SCN2A: variants seen among roughly 807,000 people sequenced by gnomAD.
SCN2A encodes sodium channel protein type 2 subunit alpha.
A neutral mutation model predicts 188.7 loss-of-function variants in SCN2A; 20 were observed. The observed-to-expected ratio is 0.11, with a 90% confidence interval of 0.07 to 0.15. The LOEUF is 0.15. SCN2A is among the 10% of genes least tolerant of loss of function. SCN2A has a pLI of 1.00. For synonymous variants in SCN2A, 804 were observed against 833.1 expected (o/e 0.97, Z 0.60); for missense variants, 1,278 against 2,445.0 (o/e 0.52, Z 10.07).
intron 10 of SCN2A, 111 bp from the exon 11 acceptor site, chr2:165,315,360 G>A (rs1559356946): frequency 4.6e-6 from 7 of 1,521,270 alleles, no homozygotes; most frequent in South Asian, 1.2e-5. Context: ...GAATAAAATG[G>A]AGAATTGTTT....
At chr2:165,312,917 A>T (rs990664329) in intron 8 of SCN2A, among the ~76,000 whole-genome samples, 1 of 152,144 alleles carries the variant, frequency 6.6e-6, no homozygotes, top group Non-Finnish European at 1.5e-5. Flanking sequence ...GATCAGTGCT[A>T]TGCTGCCTTT....
intron 3 of SCN2A, among the ~76,000 whole-genome samples, chr2:165,300,881 GA>G (rs1263313139): frequency 6.6e-6 from 1 of 152,186 alleles, no homozygotes; most frequent in African/African-American, 2.4e-5. Context: ...GCTTCATGGA[GA>G]ATAGACTGCA....
chr2:165,248,187 C>A (rs80017022), intron 1 of SCN2A, among the ~76,000 whole-genome samples: 2 of 152,104 alleles, frequency 1.3e-5, no homozygotes, highest in African/African-American at 4.8e-5. Context: ...ATTCTCAATA[C>A]GGCAAGACAG....
At chr2:165,373,817 G>A (rs1045534895) in intron 21 of SCN2A, among the ~76,000 whole-genome samples, 3 of 151,940 alleles carry the variant, frequency 2.0e-5, no homozygotes, top group African/African-American at 7.2e-5. Context: ...GAAATCTAAC[G>A]CTCATTTAGA....
intron 11 of SCN2A, among the ~76,000 whole-genome samples, chr2:165,318,223 C>A (rs192846954): frequency 5.3e-5 from 8 of 152,130 alleles, no homozygotes; most frequent in Admixed American, 3.9e-4. Context: ...ATTATAATTT[C>A]TTTAGTAGAG....
At chr2:165,259,101 A>G (rs183233969) in intron 1 of SCN2A, among the ~76,000 whole-genome samples, 1 of 152,362 alleles carries the variant, frequency 6.6e-6, no homozygotes, top group Non-Finnish European at 1.5e-5. Context: ...AAAAAGACCT[A>G]TGTTTACACT....
chr2:165,320,068 T>G (rs1697991162), intron 11 of SCN2A, among the ~76,000 whole-genome samples: 1 of 152,192 alleles, frequency 6.6e-6, no homozygotes, highest in Non-Finnish European at 1.5e-5. Context: ...GCAAGTTAGT[T>G]ACTTCCTAGA....
At chr2:165,272,705 T>A (rs1417946709) in intron 1 of SCN2A, 1 of 151,602 alleles carries the variant, frequency 6.6e-6, no homozygotes, top group African/African-American at 2.4e-5. Flanking sequence ...AAAAGGCCCC[T>A]TTTTACAAAA....
intron 17 of SCN2A, among the ~76,000 whole-genome samples, chr2:165,363,352 T>C (rs567038426): frequency 6.6e-6 from 1 of 152,282 alleles, no homozygotes; most frequent in African/African-American, 2.4e-5. Flanking sequence ...GTGTTTACAG[T>C]GTGAACCTTA....
intron 1 of SCN2A, among the ~76,000 whole-genome samples, chr2:165,291,035 CTTTTTTTTTTTTTT>C (rs55979694): frequency 1.3e-5 from 1 of 79,970 alleles, no homozygotes; most frequent in African/African-American, 4.5e-5. Flanking sequence ...TCTTTTCTTT[CTTTTTTTTTTTTTT>C]TTTTTTTTTT....
At chr2:165,307,398 A>T (rs1262435951) in intron 3 of SCN2A, among the ~76,000 whole-genome samples, 1 of 152,108 alleles carries the variant, frequency 6.6e-6, no homozygotes, top group Non-Finnish European at 1.5e-5. Flanking sequence ...CTCTGTTTAG[A>T]AAGGACCTTA....
At chr2:165,284,136 A>AT (rs1418291918) in intron 1 of SCN2A, among the ~76,000 whole-genome samples, 1 of 151,650 alleles carries the variant, frequency 6.6e-6, no homozygotes, top group South Asian at 2.1e-4. Context: ...GAATGTAGCT[A>AT]TTTTTTGAGC....
intron 20 of SCN2A, 172 bp from the exon 21 acceptor site, chr2:165,373,053 T>G: frequency 1.5e-6 from 1 of 645,236 alleles, no homozygotes; most frequent in Non-Finnish European, 2.7e-6. Flanking sequence ...TCTTAGGCCT[T>G]TCCCCAAACT....
intron 1 of SCN2A, among the ~76,000 whole-genome samples, chr2:165,274,807 C>G (rs1306541103): frequency 1.3e-5 from 2 of 152,206 alleles, no homozygotes; most frequent in Non-Finnish European, 2.9e-5. Flanking sequence ...TGGGTCCACC[C>G]TGCAGGCAGC....
intron 1 of SCN2A, among the ~76,000 whole-genome samples, chr2:165,274,862 T>A (rs1695266426): frequency 6.6e-6 from 1 of 152,208 alleles, no homozygotes. Flanking sequence ...TTGGCTATCC[T>A]GCTTTCATCA....
chr2:165,291,035 C>CTTTCTT (rs1559339507), intron 1 of SCN2A, among the ~76,000 whole-genome samples: 15 of 79,942 alleles, frequency 1.9e-4, no homozygotes, highest in Non-Finnish European at 2.3e-4. Context: ...TCTTTTCTTT[C>CTTTCTT]TTTTTTTTTT....
intron 1 of SCN2A, among the ~76,000 whole-genome samples, chr2:165,292,203 C>A (rs1224030874): frequency 6.6e-6 from 1 of 152,178 alleles, no homozygotes; most frequent in Admixed American, 6.5e-5. Flanking sequence ...TTATTTTTTA[C>A]TTCAATTAGT....
At chr2:165,268,944 C>T (rs1341875271) in intron 1 of SCN2A, 2 of 151,882 alleles carry the variant, frequency 1.3e-5, no homozygotes, top group Non-Finnish European at 2.9e-5. Flanking sequence ...AAATGTCAAA[C>T]TCACAGAAAC....
intron 17 of SCN2A, among the ~76,000 whole-genome samples, chr2:165,359,744 T>C (rs1700362566): frequency 6.6e-6 from 1 of 151,948 alleles, no homozygotes; most frequent in Admixed American, 6.6e-5. Flanking sequence ...AGTGGGATAG[T>C]GATTAAGATG....
Sources: gnomAD v4.1 joint callset for allele counts (sites outside exome capture counted in the v4.1 genomes callset) on GRCh38, gnomAD v4.1.1 for gene constraint, MANE v1.5 for transcripts, NCBI Gene and HGNC (gene_info 2026-07-23, HGNC 2026-07-21) for gene names.